The following FILIP1L variants were observed in gnomAD, a reference collection of about 807,000 sequenced individuals.
FILIP1L encodes filamin A interacting protein 1 like.
In FILIP1L, 55 loss-of-function variants were observed where a neutral mutation model predicts 96.6. That is an observed-to-expected ratio of 0.57 (90% CI 0.46 to 0.71). The LOEUF is 0.71. FILIP1L is among the 30% of genes least tolerant of loss of function. The probability of loss-of-function intolerance (pLI) is 0.00; values close to 1 mark genes in which losing one functional copy is unlikely to be tolerated. For synonymous variants in FILIP1L, 467 were observed against 473.9 expected, an observed-to-expected ratio of 0.99 and a Z score of 0.19; for missense variants, 1,304 against 1,321.2, an observed-to-expected ratio of 0.99 and a Z score of 0.20.
At chr3:100,009,732 C>T (rs1157138490) in intron 1 of FILIP1L, among the ~76,000 whole-genome samples, 12 of 152,188 alleles carry the variant, frequency 7.9e-5, no homozygotes, top group Admixed American at 7.9e-4. Context: ...TCATAGGAGG[C>T]AAAGATATTT....
chr3:99,912,333 C>A (rs1266321843), intron 4 of FILIP1L, among the ~76,000 whole-genome samples: 2 of 152,118 alleles, frequency 1.3e-5, no homozygotes, highest in East Asian at 3.9e-4. Context: ...TGGTTTCTAG[C>A]GGCTGTAGTG....
chr3:100,032,171 A>G (rs2065032806), intron 1 of FILIP1L, among the ~76,000 whole-genome samples: 1 of 152,194 alleles, frequency 6.6e-6, no homozygotes, highest in Admixed American at 6.5e-5. Context: ...GTAAAATATG[A>G]TACTTGAAAG....
chr3:100,032,028 A>G (rs1164505339), intron 1 of FILIP1L, among the ~76,000 whole-genome samples: 6 of 152,202 alleles, frequency 3.9e-5, no homozygotes, highest in African/African-American at 7.2e-5. Flanking sequence ...TTAAAAATGT[A>G]AAAATTATGC....
At chr3:100,016,510 A>AT (rs1710344896) in intron 1 of FILIP1L, among the ~76,000 whole-genome samples, 1 of 151,996 alleles carries the variant, frequency 6.6e-6, no homozygotes, top group Non-Finnish European at 1.5e-5. Context: ...AACTTTTCTG[A>AT]TTTCTTGGCT....
At chr3:100,079,314 G>A (rs1295963336) in intron 1 of FILIP1L, among the ~76,000 whole-genome samples, 1 of 152,214 alleles carries the variant, frequency 6.6e-6, no homozygotes, top group African/African-American at 2.4e-5. Flanking sequence ...CAAGGTAGAG[G>A]AAATAGCCTT....
intron 1 of FILIP1L, among the ~76,000 whole-genome samples, chr3:99,982,422 C>T (rs981360827): frequency 1.3e-5 from 2 of 152,054 alleles, no homozygotes; most frequent in African/African-American, 2.4e-5. Context: ...TCAAACCCAT[C>T]GTCAGCCTCC....
At chr3:99,957,186 C>T (rs575017356) in intron 1 of FILIP1L, among the ~76,000 whole-genome samples, 140 of 152,238 alleles carry the variant, frequency 9.2e-4, no homozygotes, top group Non-Finnish European at 1.7e-3. Context: ...AAACATTCAT[C>T]AGGGTGATCT....
intron 4 of FILIP1L, among the ~76,000 whole-genome samples, chr3:99,907,597 C>G (rs1373797712): frequency 6.6e-6 from 1 of 152,094 alleles, no homozygotes; most frequent in African/African-American, 2.4e-5. Flanking sequence ...AACATTGCAC[C>G]CATAGCTTCC....
chr3:99,965,910 C>G (rs565127610), intron 1 of FILIP1L, among the ~76,000 whole-genome samples: 1 of 152,188 alleles, frequency 6.6e-6, no homozygotes, highest in Admixed American at 6.5e-5. Context: ...CATTTCTGTA[C>G]ATAAGGCAGT....
intron 5 of FILIP1L, among the ~76,000 whole-genome samples, chr3:99,844,255 C>T (rs900460485): frequency 1.9e-4 from 29 of 152,292 alleles, no homozygotes; most frequent in African/African-American, 6.3e-4. Flanking sequence ...CTGGGCCCTA[C>T]GCCCCCAGAG....
At chr3:99,927,472 C>G (rs1441999752) in intron 3 of FILIP1L, among the ~76,000 whole-genome samples, 1 of 151,620 alleles carries the variant, frequency 6.6e-6, no homozygotes, top group African/African-American at 2.4e-5. Flanking sequence ...TGGGTTCAAG[C>G]GATTCACCTG....
chr3:100,082,275 C>T (rs2065944572), intron 1 of FILIP1L, among the ~76,000 whole-genome samples: 1 of 152,110 alleles, frequency 6.6e-6, no homozygotes, highest in Non-Finnish European at 1.5e-5. Context: ...CTAAGCTGCA[C>T]ATGTAAAAAG....
At chr3:99,998,870 TG>T (rs1709761889) in intron 1 of FILIP1L, among the ~76,000 whole-genome samples, 1 of 152,098 alleles carries the variant, frequency 6.6e-6, no homozygotes, top group Admixed American at 6.5e-5. Context: ...CGCCCGGCCA[TG>T]GTTCTTAAAC....
intron 1 of FILIP1L, among the ~76,000 whole-genome samples, chr3:99,932,656 G>A (rs1176156949): frequency 2.6e-5 from 4 of 152,128 alleles, no homozygotes; most frequent in African/African-American, 4.8e-5. Flanking sequence ...TTGGGAGGCC[G>A]AGGCAGGCGG....
At chr3:99,934,950 T>C (rs1484636649) in intron 1 of FILIP1L, among the ~76,000 whole-genome samples, 2 of 152,208 alleles carry the variant, frequency 1.3e-5, no homozygotes, top group African/African-American at 2.4e-5. Flanking sequence ...GGTGTTCACA[T>C]TGGATTTGTG....
At chr3:100,015,424 C>T (rs533057405) in intron 1 of FILIP1L, among the ~76,000 whole-genome samples, 19 of 152,216 alleles carry the variant, frequency 1.2e-4, no homozygotes, top group Admixed American at 7.9e-4. Flanking sequence ...TGAAAAATCT[C>T]ATTAGAATTT....
rs4062235 is a variant in FILIP1L, at chr3:100,067,166, C to CGTTTGTTTGTTT, written c.-11+46875_-11+46886dup. Among the ~76,000 whole-genome samples the CGTTTGTTTGTTT allele has an allele frequency of 1.4e-3, 209 of 150,978 alleles. 2 individuals are homozygous for CGTTTGTTTGTTT. The highest frequency in any genetic ancestry group is 9.6e-3 in the East Asian group (49 of 5,102). On this transcript the variant is annotated intron_variant, in intron 1 of 5. Transcript: ENST00000477258. ...GAAGCCCTGGCTATGTTTTTGATCTCGTTTGTTTGTTTGTTTGTTTGTTTG... is the reference window on the plus strand; with the variant it reads ...GAAGCCCTGGCTATGTTTTTGATCTCGTTTGTTTGTTTGTTTGTTTGTTTGTTTGTTTGTTTG...
chr3:100,056,730 T>A (rs549140017), intron 1 of FILIP1L, among the ~76,000 whole-genome samples: 1 of 148,206 alleles, frequency 6.7e-6, no homozygotes, highest in Non-Finnish European at 1.5e-5. Flanking sequence ...CCGGGCGCGG[T>A]GGCTCACGCC....
chr3:100,054,566 G>C (rs2065431964), intron 1 of FILIP1L, among the ~76,000 whole-genome samples: 1 of 150,596 alleles, frequency 6.6e-6, no homozygotes, highest in Non-Finnish European at 1.5e-5. Flanking sequence ...TTACCTACCT[G>C]CCCCTGTTGG....
Sources: allele counts gnomAD v4.1 joint callset (sites outside exome capture counted in the v4.1 genomes callset), GRCh38; gene constraint gnomAD v4.1.1; transcripts MANE v1.5; gene names NCBI Gene and HGNC (gene_info 2026-07-23, HGNC 2026-07-21).